The following C8orf34 variants were observed in gnomAD, a reference collection of about 807,000 sequenced individuals.
The protein encoded by C8orf34 is chromosome 8 open reading frame 34.
Under a neutral mutation model 68.3 loss-of-function variants are expected in C8orf34, and 65 were observed. That is an observed-to-expected ratio of 0.95 (90% CI 0.78 to 1.17). The LOEUF is 1.17. C8orf34 is among the 50% of genes most tolerant of loss of function. C8orf34 has a pLI of 0.00. For synonymous variants in C8orf34, 244 were observed against 241.2 expected (o/e 1.01, Z -0.11); for missense variants, 664 against 655.4 (o/e 1.01, Z -0.14).
At chr8:68,439,941 T>C (rs1224140079) in intron 2 of C8orf34, among the ~76,000 whole-genome samples, 5 of 152,232 alleles carry the variant, frequency 3.3e-5, no homozygotes, top group African/African-American at 1.2e-4. Flanking sequence ...ATCCTAAACT[T>C]ATTTTTTAAT....
chr8:68,439,685 T>C, intron 2 of C8orf34, 39 bp downstream of exon 2: 1 of 1,572,960 alleles, frequency 6.4e-7, no homozygotes, highest in Non-Finnish European at 8.6e-7. Flanking sequence ...TTGGGATTCA[T>C]TTAATGTCAA....
intron 5 of C8orf34, among the ~76,000 whole-genome samples, chr8:68,511,559 T>A (rs1814277134): frequency 7.1e-6 from 1 of 140,624 alleles, no homozygotes; most frequent in South Asian, 2.1e-4. Flanking sequence ...TAATTAGAAC[T>A]GGCAGGAAAG....
At chr8:68,540,402 T>C (rs1442165645) in intron 7 of C8orf34, among the ~76,000 whole-genome samples, 4 of 151,704 alleles carry the variant, frequency 2.6e-5, no homozygotes, top group African/African-American at 4.8e-5. Context: ...AAATTTCATA[T>C]ATAGTTTTAA....
chr8:68,675,911 T>C (rs189953439), intron 8 of C8orf34, among the ~76,000 whole-genome samples: 232 of 152,112 alleles, frequency 1.5e-3, no homozygotes, highest in Middle Eastern at 0.01. Flanking sequence ...TCCATGCAAA[T>C]GGAGACCAAA....
intron 9 of C8orf34, among the ~76,000 whole-genome samples, chr8:68,715,759 A>T (rs546857910): frequency 3.2e-4 from 48 of 152,246 alleles, no homozygotes; most frequent in African/African-American, 9.9e-4. Context: ...CAGTGTGGAG[A>T]TTCCTTAAAT....
chr8:68,772,383 G>A (rs1823366575), intron 10 of C8orf34, among the ~76,000 whole-genome samples: 1 of 152,186 alleles, frequency 6.6e-6, no homozygotes, highest in African/African-American at 2.4e-5. Flanking sequence ...ATTGAGGACA[G>A]TGTGGTTCTA....
intron 10 of C8orf34, among the ~76,000 whole-genome samples, chr8:68,773,828 A>G (rs145742009): frequency 6.3e-4 from 96 of 152,272 alleles, no homozygotes; most frequent in African/African-American, 2.2e-3. Flanking sequence ...CCTGTGGTGT[A>G]GATATGACAC....
Position 68,640,414 on chromosome 8 carries a change from C to G in C8orf34, c.1144C>G (p.Leu382Val). The change falls in exon 8 of 14, where the codon CTG becomes GTG. Residue 382 changes from leucine to valine, a missense_variant. Coordinates refer to ENST00000518698, the MANE Select transcript of C8orf34 (RefSeq NM_052958.4). ...NDLRMEGVTT[L>V]VPSGSKFNQG... ...TTTAAGAATGGAGGGAGTAACAACC[C>G]TGGTACCTTCTGGGAGCAAATTTAA... The G allele has an allele frequency of 6.2e-7, 1 of 1,613,646 alleles. No homozygotes were observed.
intron 5 of C8orf34, among the ~76,000 whole-genome samples, chr8:68,498,616 T>C (rs1157243847): frequency 6.6e-6 from 1 of 152,192 alleles, no homozygotes; most frequent in African/African-American, 2.4e-5. Context: ...TTGCGTGATA[T>C]ACAGAAGAAG....
chr8:68,481,455 C>T (rs971433878), intron 4 of C8orf34, among the ~76,000 whole-genome samples: 6 of 152,174 alleles, frequency 3.9e-5, no homozygotes, highest in African/African-American at 1.4e-4. Context: ...GACCACCATC[C>T]TCCAGACCCC....
intron 8 of C8orf34, among the ~76,000 whole-genome samples, chr8:68,647,062 C>T (rs1819196938): frequency 1.3e-5 from 2 of 152,010 alleles, no homozygotes; most frequent in Non-Finnish European, 2.9e-5. Context: ...GGCTAATATC[C>T]AGAATATATA....
At chr8:68,469,857 T>A in intron 4 of C8orf34, among the ~76,000 whole-genome samples, 1 of 126,664 alleles carries the variant, frequency 7.9e-6, no homozygotes, top group Non-Finnish European at 1.6e-5. Flanking sequence ...TGTCTTGGTA[T>A]ATTTTGAAAG....
At chr8:68,428,010 A>C (rs1235394631) in intron 1 of C8orf34, among the ~76,000 whole-genome samples, 3 of 149,842 alleles carry the variant, frequency 2.0e-5, no homozygotes. Context: ...GAGATTTTAA[A>C]AAATAAAAAT....
At chr8:68,590,761 T>G (rs1198912685) in intron 7 of C8orf34, among the ~76,000 whole-genome samples, 1 of 152,138 alleles carries the variant, frequency 6.6e-6, no homozygotes, top group Non-Finnish European at 1.5e-5. Context: ...CAATGTCATA[T>G]GAGAGCAGCA....
chr8:68,714,504 A>G (rs1243710576), intron 9 of C8orf34, among the ~76,000 whole-genome samples: 2 of 152,100 alleles, frequency 1.3e-5, no homozygotes, highest in Non-Finnish European at 2.9e-5. Flanking sequence ...GGACAATCAA[A>G]TCGAGAACTC....
At chr8:68,763,430 G>A (rs1235385064) in intron 10 of C8orf34, among the ~76,000 whole-genome samples, 1 of 152,004 alleles carries the variant, frequency 6.6e-6, no homozygotes, top group African/African-American at 2.4e-5. Flanking sequence ...CAATTCAACT[G>A]GATCTTACTC....
intron 7 of C8orf34, among the ~76,000 whole-genome samples, chr8:68,603,543 A>G (rs1415497465): frequency 3.3e-5 from 3 of 89,972 alleles, no homozygotes; most frequent in African/African-American, 8.4e-5. Flanking sequence ...CTATCTATCT[A>G]TCTATCTATC....
chr8:68,758,058 C>T lies in C8orf34; in HGVS notation c.1405-18341C>T, dbSNP rs140979806. Among the ~76,000 whole-genome samples, 389 of 152,328 alleles carry T rather than the reference C, an allele frequency of 2.6e-3. 4 individuals carry two copies. Among genetic ancestry groups the T allele is most frequent in the African/African-American group, 9.2e-3 (382 of 41,570 alleles). ...TCAGTCAGTCAGCAAATATTTACTGCGTGCCTGCTGTGTGCCAGGCACACT... is the reference window on the plus strand; with the variant it reads ...TCAGTCAGTCAGCAAATATTTACTGTGTGCCTGCTGTGTGCCAGGCACACT... On this transcript the variant is annotated intron_variant, in intron 10 of 13. Coordinates refer to ENST00000518698, the MANE Select transcript of C8orf34 (RefSeq NM_052958.4).
At chr8:68,516,423 A>G (rs141687615) in intron 5 of C8orf34, among the ~76,000 whole-genome samples, 544 of 152,324 alleles carry the variant, frequency 3.6e-3, no homozygotes, top group Non-Finnish European at 5.7e-3. Context: ...ATAGAGTCAC[A>G]TAACTTGGAG....
Sources: gnomAD v4.1 joint callset for allele counts (sites outside exome capture counted in the v4.1 genomes callset) on GRCh38, gnomAD v4.1.1 for gene constraint, MANE v1.5 for transcripts, NCBI Gene and HGNC (gene_info 2026-07-23, HGNC 2026-07-21) for gene names.